The following SUPT3H variants were observed in gnomAD, a reference collection of about 807,000 sequenced individuals.
SUPT3H encodes SPT3 homolog, SAGA and STAGA complex component.
In SUPT3H, 44 loss-of-function variants were observed where a neutral mutation model predicts 44.3. The observed-to-expected ratio is 0.99, with a 90% confidence interval of 0.78 to 1.28. SUPT3H has a LOEUF of 1.28. Among genes scored for constraint, SUPT3H ranks in the 50% most tolerant of loss-of-function variants. The probability of loss-of-function intolerance (pLI) is 0.00; values close to 1 mark genes in which losing one functional copy is unlikely to be tolerated. For synonymous variants in SUPT3H, 124 were observed against 125.6 expected (o/e 0.99, Z 0.09); for missense variants, 380 against 387.1 (o/e 0.98, Z 0.15).
chr6:44,818,004 A>C (rs1192254487), intron 11 of SUPT3H, among the ~76,000 whole-genome samples: 1 of 152,180 alleles, frequency 6.6e-6, no homozygotes, highest in African/African-American at 2.4e-5. Flanking sequence ...TATGCAAAGC[A>C]ATTTTGAAAA....
intron 2 of SUPT3H, among the ~76,000 whole-genome samples, chr6:45,151,355 CCT>C (rs1158734879): frequency 1.3e-5 from 2 of 152,028 alleles, no homozygotes; most frequent in African/African-American, 2.4e-5. Flanking sequence ...TTTCAAATAT[CCT>C]CTGTTAAGCA....
intron 3 of SUPT3H, among the ~76,000 whole-genome samples, chr6:45,085,717 T>C (rs2153560379): frequency 6.6e-6 from 1 of 152,228 alleles, no homozygotes; most frequent in South Asian, 2.1e-4. Context: ...ATCTTTTCTG[T>C]TAATTAAGAC....
intron 2 of SUPT3H, among the ~76,000 whole-genome samples, chr6:45,219,063 T>C (rs909625679): frequency 5.3e-5 from 8 of 151,202 alleles, no homozygotes; most frequent in African/African-American, 1.9e-4. Context: ...TGAATGAAAA[T>C]AAAAAGACAA....
At chr6:45,227,602 A>C (rs1767174180) in intron 2 of SUPT3H, among the ~76,000 whole-genome samples, 1 of 152,202 alleles carries the variant, frequency 6.6e-6, no homozygotes, top group Non-Finnish European at 1.5e-5. Flanking sequence ...TTAGGAACCT[A>C]ACACATAATA....
At chr6:44,836,712 A>T (rs766192438) in intron 10 of SUPT3H, among the ~76,000 whole-genome samples, 3 of 152,234 alleles carry the variant, frequency 2.0e-5, no homozygotes, top group Non-Finnish European at 2.9e-5. Context: ...ATTTCAAATT[A>T]TGAGATATAT....
At chr6:45,207,706 G>C (rs984005332) in intron 2 of SUPT3H, among the ~76,000 whole-genome samples, 2 of 151,930 alleles carry the variant, frequency 1.3e-5, no homozygotes, top group Non-Finnish European at 1.5e-5. Flanking sequence ...ACTGATTTTT[G>C]ATGCTACCAC....
In SUPT3H at chr6:45,320,602, A is replaced by C. The variant is rs535123857; in HGVS notation, c.101+44599T>G. ...CCACAACTTCCTGTTTTTGTAAATA[A>C]AGTTTTACTGGAATTCAGCCATACT... On this transcript the variant is annotated intron_variant, in intron 2 of 10. Coordinates refer to ENST00000371459, the MANE Select transcript of SUPT3H (RefSeq NM_003599.4). Among the ~76,000 whole-genome samples, 84 of 152,130 alleles carry C rather than the reference A, an allele frequency of 5.5e-4. No homozygotes were observed. The South Asian group carries it at 0.017, about 30-fold the overall frequency.
At chr6:45,369,498 G>A (rs1581973193) in intron 1 of SUPT3H, among the ~76,000 whole-genome samples, 1 of 151,992 alleles carries the variant, frequency 6.6e-6, no homozygotes, top group African/African-American at 2.4e-5. Context: ...CCTAGCTATG[G>A]ACAGTTGACA....
chr6:45,346,993 T>C (rs1026314009), intron 2 of SUPT3H, among the ~76,000 whole-genome samples: 1 of 152,030 alleles, frequency 6.6e-6, no homozygotes, highest in East Asian at 1.9e-4. Context: ...AAATACTATA[T>C]AAGAAAAGAA....
chr6:45,156,906 A>C (rs1807917467), intron 2 of SUPT3H, among the ~76,000 whole-genome samples: 1 of 152,166 alleles, frequency 6.6e-6, no homozygotes, highest in East Asian at 1.9e-4. Context: ...GTTTTAGTGA[A>C]AAAAAAGTGA....
At chr6:44,943,866 G>A (rs913846013) in intron 9 of SUPT3H, among the ~76,000 whole-genome samples, 68 of 151,994 alleles carry the variant, frequency 4.5e-4, no homozygotes, top group Admixed American at 2.6e-4. Context: ...TAGCTAACTT[G>A]CACTACAACA....
At chr6:45,030,506 A>G (rs1368567860) in intron 3 of SUPT3H, among the ~76,000 whole-genome samples, 1 of 152,168 alleles carries the variant, frequency 6.6e-6, no homozygotes, top group Non-Finnish European at 1.5e-5. Context: ...AGTTTTTTTC[A>G]GAACTCTTCC....
At chr6:45,124,488 T>C (rs1330258055) in intron 2 of SUPT3H, among the ~76,000 whole-genome samples, 2 of 151,452 alleles carry the variant, frequency 1.3e-5, no homozygotes, top group African/African-American at 4.9e-5. Context: ...CTACTAAAAA[T>C]ACAAAAATTA....
At chr6:45,035,744 G>A (rs1388313104) in intron 3 of SUPT3H, among the ~76,000 whole-genome samples, 1 of 152,118 alleles carries the variant, frequency 6.6e-6, no homozygotes, top group East Asian at 1.9e-4. Context: ...TGAAGTAACT[G>A]TGGGTAGAAA....
chr6:45,259,064 T>C (rs190187726), intron 2 of SUPT3H, among the ~76,000 whole-genome samples: 58 of 152,196 alleles, frequency 3.8e-4, no homozygotes, highest in African/African-American at 1.2e-3. Context: ...AATAGACAAA[T>C]TTTTTCGGTA....
At chr6:45,280,075 G>C (rs146578057) in intron 2 of SUPT3H, among the ~76,000 whole-genome samples, 1 of 151,912 alleles carries the variant, frequency 6.6e-6, no homozygotes, top group Non-Finnish European at 1.5e-5. Context: ...TAAATATATC[G>C]AGAATCTAAT....
chr6:45,118,366 A>T (rs1674727761), intron 2 of SUPT3H, among the ~76,000 whole-genome samples: 1 of 152,110 alleles, frequency 6.6e-6, no homozygotes, highest in Non-Finnish European at 1.5e-5. Context: ...TTAATAGGCA[A>T]TACCAGGCAA....
At chr6:44,936,451 T>C (rs941600188) in intron 9 of SUPT3H, among the ~76,000 whole-genome samples, 3 of 152,274 alleles carry the variant, frequency 2.0e-5, no homozygotes, top group South Asian at 4.1e-4. Flanking sequence ...TTGAGTAACA[T>C]AGTTACTCAT....
At chr6:44,896,112 C>T (rs1341717414) in intron 10 of SUPT3H, among the ~76,000 whole-genome samples, 1 of 151,982 alleles carries the variant, frequency 6.6e-6, no homozygotes, top group Admixed American at 6.6e-5. Flanking sequence ...GATTAGGGGT[C>T]CAGCTGTGTA....
Sources: allele counts gnomAD v4.1 joint callset (sites outside exome capture counted in the v4.1 genomes callset), GRCh38; gene constraint gnomAD v4.1.1; transcripts MANE v1.5; gene names NCBI Gene and HGNC (gene_info 2026-07-23, HGNC 2026-07-21).